CSGALNACT1: variants seen among roughly 807,000 people sequenced by gnomAD.
CSGALNACT1 encodes chondroitin sulfate N-acetylgalactosaminyltransferase 1, also known as beta4GalNAcT-1.
A neutral mutation model predicts 51.0 loss-of-function variants in CSGALNACT1; 52 were observed. The observed-to-expected ratio is 1.02, with a 90% CI of 0.82 to 1.29. CSGALNACT1 has a LOEUF of 1.29. Among genes scored for constraint, CSGALNACT1 ranks in the 50% most tolerant of loss-of-function variants. The pLI is 0.00. For synonymous variants in CSGALNACT1, 341 were observed against 254.4 expected (o/e 1.34, Z -3.24); for missense variants, 935 against 679.2 (o/e 1.38, Z -4.19).
chr8:19,408,544 C>G, intron 9 of CSGALNACT1, 69 bp downstream of exon 8: 1 of 942,200 alleles, frequency 1.1e-6, no homozygotes. Context: ...GGAAACCCTA[C>G]TTGATTCCTT....
intron 1 of CSGALNACT1, among the ~76,000 whole-genome samples, chr8:19,618,629 C>CAAA (rs60787326): frequency 4.8e-4 from 31 of 64,024 alleles, no homozygotes; most frequent in Non-Finnish European, 6.2e-4. Context: ...AATACTCCAT[C>CAAA]AAAAAAAAAA....
intron 4 of CSGALNACT1, among the ~76,000 whole-genome samples, chr8:19,478,398 A>G (rs935790627): frequency 7.2e-4 from 97 of 135,246 alleles, no homozygotes; most frequent in African/African-American, 2.6e-3. Flanking sequence ...TGGGCGACAG[A>G]GCGAGACTCC....
At chr8:19,659,324 C>A (rs898936003) in intron 1 of CSGALNACT1, among the ~76,000 whole-genome samples, 2 of 152,212 alleles carry the variant, frequency 1.3e-5, no homozygotes, top group Non-Finnish European at 2.9e-5. Flanking sequence ...TCAAGCAACA[C>A]TTTCTTCATC....
At chr8:19,478,710 C>G (rs151079495) in intron 4 of CSGALNACT1, among the ~76,000 whole-genome samples, 1 of 152,148 alleles carries the variant, frequency 6.6e-6, no homozygotes, top group African/African-American at 2.4e-5. Context: ...AATGACCCCC[C>G]CTTTCTCCAC....
At chr8:19,635,916 G>T (rs913858012) in intron 1 of CSGALNACT1, among the ~76,000 whole-genome samples, 7 of 152,106 alleles carry the variant, frequency 4.6e-5, no homozygotes, top group Non-Finnish European at 7.3e-5. Context: ...TTTTAGTAGA[G>T]ACAGGGTTTC....
At chr8:19,558,927 T>C (rs2040085360) in intron 3 of CSGALNACT1, among the ~76,000 whole-genome samples, 1 of 152,162 alleles carries the variant, frequency 6.6e-6, no homozygotes, top group Non-Finnish European at 1.5e-5. Flanking sequence ...TTAGCTAAAC[T>C]GGAAATATTC....
intron 4 of CSGALNACT1, among the ~76,000 whole-genome samples, chr8:19,487,278 A>G (rs773959233): frequency 6.6e-6 from 1 of 152,154 alleles, no homozygotes; most frequent in African/African-American, 2.4e-5. Context: ...CCAACACCCA[A>G]ATGAGAACAT....
chr8:19,734,065 G>A (rs1008427737), intron 1 of CSGALNACT1, among the ~76,000 whole-genome samples: 3 of 152,134 alleles, frequency 2.0e-5, no homozygotes, highest in Non-Finnish European at 4.4e-5. Context: ...GGATGGAGAG[G>A]GACCAGGCTA....
chr8:19,435,365 C>T (rs868858941), intron 6 of CSGALNACT1, among the ~76,000 whole-genome samples: 3 of 151,886 alleles, frequency 2.0e-5, no homozygotes, highest in African/African-American at 4.8e-5. Context: ...TGGTGGCGTG[C>T]GCCTATAGTC....
intron 1 of CSGALNACT1, among the ~76,000 whole-genome samples, chr8:19,730,301 G>C (rs2063620913): frequency 6.6e-6 from 1 of 152,168 alleles, no homozygotes. Context: ...TCGGGGAATA[G>C]GACACGTAGC....
chr8:19,686,181 A>AC (rs1361833427), upstream of CSGALNACT1, among the ~76,000 whole-genome samples: 7 of 151,832 alleles, frequency 4.6e-5, no homozygotes, highest in African/African-American at 7.3e-5. Flanking sequence ...ACTGACAAGG[A>AC]CCCCCCAAAA....
At chr8:19,463,705 T>C (rs778271302) in intron 4 of CSGALNACT1, among the ~76,000 whole-genome samples, 2 of 152,168 alleles carry the variant, frequency 1.3e-5, no homozygotes, top group Non-Finnish European at 2.9e-5. Context: ...CTAGCTTAGA[T>C]CTTTGTTTAA....
chr8:19,560,081 T>C (rs923292909), intron 3 of CSGALNACT1, among the ~76,000 whole-genome samples: 3 of 152,168 alleles, frequency 2.0e-5, no homozygotes, highest in African/African-American at 7.2e-5. Flanking sequence ...CCCCCACTTA[T>C]AAACATTTTT....
intron 1 of CSGALNACT1, among the ~76,000 whole-genome samples, chr8:19,621,799 G>A (rs1300496122): frequency 6.6e-6 from 1 of 152,030 alleles, no homozygotes; most frequent in Non-Finnish European, 1.5e-5. Context: ...AAAAATAAAA[G>A]AGTAAAACAA....
chr8:19,488,370 C>CATATAT (rs56988602), intron 4 of CSGALNACT1, among the ~76,000 whole-genome samples: 55 of 114,454 alleles, frequency 4.8e-4, no homozygotes, highest in East Asian at 8.3e-4. Flanking sequence ...TTTATATATA[C>CATATAT]ATATATATAT....
At chr8:19,630,537 G>T (rs2055107243) in intron 1 of CSGALNACT1, among the ~76,000 whole-genome samples, 1 of 152,034 alleles carries the variant, frequency 6.6e-6, no homozygotes, top group Non-Finnish European at 1.5e-5. Flanking sequence ...ATACAATTCT[G>T]TGGGTTCTGC....
At chr8:19,561,973 C>T (rs1002776533) in intron 3 of CSGALNACT1, among the ~76,000 whole-genome samples, 1 of 152,136 alleles carries the variant, frequency 6.6e-6, no homozygotes, top group Non-Finnish European at 1.5e-5. Context: ...CTAGAATGCC[C>T]TTGACCTTCC....
intron 3 of CSGALNACT1, among the ~76,000 whole-genome samples, chr8:19,526,520 T>A (rs1200043830): frequency 6.6e-6 from 1 of 152,014 alleles, no homozygotes; most frequent in Non-Finnish European, 1.5e-5. Flanking sequence ...GAGGCGGAGG[T>A]TGCAGTGAGC....
chr8:19,462,011 C>CT (rs1485840133), intron 4 of CSGALNACT1, among the ~76,000 whole-genome samples: 1 of 151,242 alleles, frequency 6.6e-6, no homozygotes, highest in Non-Finnish European at 1.5e-5. Context: ...CATGGAGGGC[C>CT]TATCCACACA....
Sources: allele counts gnomAD v4.1 joint callset (sites outside exome capture counted in the v4.1 genomes callset), GRCh38; gene constraint gnomAD v4.1.1; transcripts MANE v1.5; gene names NCBI Gene and HGNC (gene_info 2026-07-23, HGNC 2026-07-21).